SLITRK2: variants seen among roughly 807,000 people sequenced by gnomAD.
SLITRK2 encodes SLIT and NTRK-like protein 2.
In SLITRK2, 13 loss-of-function variants were observed where a neutral mutation model predicts 35.4. That is an observed-to-expected ratio of 0.37 (90% confidence interval 0.24 to 0.58). The LOEUF (loss-of-function observed/expected upper bound fraction) is 0.58, where lower values mean the gene tolerates loss of function less well. Ranked by LOEUF, SLITRK2 falls within the 20% of genes least tolerant of loss-of-function variation. The pLI is 0.75. For synonymous variants in SLITRK2, 294 were observed against 264.7 expected (o/e 1.11, Z -1.07); for missense variants, 471 against 634.3 (o/e 0.74, Z 2.76).
intron 1 of SLITRK2, chrX:145,818,314 C>G (rs1414545934): frequency 8.8e-6 from 1 of 113,027 alleles, no homozygotes; most frequent in Non-Finnish European, 1.9e-5. Context: ...AGCTAGAAGC[C>G]TCCGGTCGGC....
At position 145,824,197 on chromosome X, in the gene SLITRK2, C is replaced by T. The variant is rs2124195191; in HGVS notation, c.1772C>T (p.Ser591Leu). The change falls in exon 5 of 5, where the codon TCA (serine) becomes TTA (leucine). Residue 591 changes from serine to leucine, a missense_variant. Coordinates refer to ENST00000335565, the MANE Select transcript of SLITRK2 (RefSeq NM_032539.5). Reference protein sequence around the residue: ...SPNLSDGTVLSMNHNTDTPRS... With the variant: ...SPNLSDGTVLLMNHNTDTPRS... ...AACTTGTCAGATGGAACCGTCTTGT[C>T]AATGAATCACAATACAGACACACCT... is the stretch of plus-strand genomic sequence containing the variant. The T allele has an allele frequency of 8.3e-7, 1 of 1,210,042 alleles. No homozygotes were observed. The highest frequency in any genetic ancestry group is 1.1e-6 in the Non-Finnish European group (1 of 894,764).
At position 145,822,580 on chromosome X, in the gene SLITRK2, C is replaced by A. The variant is rs1377991044; in HGVS notation, c.155C>A (p.Thr52Lys). Residue 52 changes from threonine (T) to lysine (K), a missense_variant, in exon 5 of 5, where the codon ACA (threonine) becomes AAA (lysine). By Grantham distance (78) the Thr-to-Lys change is moderately conservative. Around this residue, in one of 7 missense-constraint regions of SLITRK2, gnomAD observed 98 missense variants for 120.6 expected, o/e 0.81. Coordinates refer to ENST00000335565, the MANE Select transcript of SLITRK2 (RefSeq NM_032539.5). ...ATCAACTGTGAGAACAAAGGATTTA[C>A]AACAGTTAGCCTGCTCCAGCCCCCC... ...LNINCENKGF[T>K]TVSLLQPPQY... is the part of the protein sequence containing the mutation. The A allele has an allele frequency of 8.3e-7, 1 of 1,209,768 alleles. No homozygotes were observed. Among genetic ancestry groups the A allele is most frequent in the Non-Finnish European group, 1.1e-6 (1 of 894,949 alleles).
rs1474612337 is a variant in SLITRK2 at position 145,826,588 on chromosome X, C to T, written c.*1625C>T. The stretch of plus-strand genomic sequence containing the variant: ...TGTGTGATTTAAACAAACAGCCCTT[C>T]TTTACAACAAAAAATAGTTTTGTTT... On this transcript the variant is annotated 3_prime_UTR_variant, in exon 5 of 5. Transcript: ENST00000335565. The T allele has an allele frequency of 6.2e-5, 7 of 112,237 alleles. No homozygotes were observed. The highest frequency in any genetic ancestry group is 5.7e-4 in the Admixed American group (6 of 10,563). 9.2% of individuals were successfully genotyped at this position (112,237 alleles called of 1,213,427 possible).
rs2073092339 is a variant in SLITRK2 at position 145,824,708 on chromosome X, G to A, written c.2283G>A (p.Glu761=). 1.7e-6 allele frequency: 2 copies of A among 1,209,590 alleles called. No individual in the cohort carries two copies. Among genetic ancestry groups the A allele is most frequent in the African/African-American group, 1.8e-5 (1 of 57,025 alleles). Residue 761 remains glutamate, a synonymous_variant, in exon 5 of 5, where the codon GAG becomes GAA. Transcript: ENST00000335565. ...AGCTGCTGTATCAAAATATTGCTGA[G>A]CGAGTCAAGGAACTTCCCAGCGCAG... is the stretch of plus-strand genomic sequence containing the variant. ...EPELLYQNIA[E]RVKELPSAGL...
Position 145,823,247 on chromosome X carries a change from G to A in SLITRK2, c.822G>A (p.Arg274=), listed in dbSNP as rs781845889. The A allele has an allele frequency of 3.3e-6, 4 of 1,211,633 alleles. No individual in the cohort carries two copies. Among genetic ancestry groups the A allele is most frequent in the Non-Finnish European group, 4.5e-6 (4 of 895,474 alleles). The stretch of plus-strand genomic sequence containing the variant: ...AAAGTGCCAGTGATTCCAGTCAGAG[G>A]GGCAGCCATGCTGACACCCACGTCC... The part of the protein sequence containing the change: ...PRKSASDSSQ[R]GSHADTHVQR... The change falls in exon 5 of 5, where the codon AGG becomes AGA. Residue 274 remains arginine, a synonymous_variant. Coordinates refer to ENST00000335565, the MANE Select transcript of SLITRK2 (RefSeq NM_032539.5).
chrX:145,823,268 C>A lies in SLITRK2; in HGVS notation c.843C>A (p.His281Gln), dbSNP rs781800333. The change falls in exon 5 of 5, where the codon CAC (histidine) becomes CAA (glutamine). Residue 281 changes from histidine to glutamine, a missense_variant. This residue lies in a region of SLITRK2 where 56 missense variants were observed against 48.7 expected (regional missense o/e 1.15). Coordinates refer to ENST00000335565, the MANE Select transcript of SLITRK2 (RefSeq NM_032539.5). ...SSQRGSHADT[H>Q]VQRLSPTMNP... The stretch of plus-strand genomic sequence containing the variant: ...AGAGGGGCAGCCATGCTGACACCCA[C>A]GTCCAAAGGCTGTCACCTACAATGA... 1 of 1,211,635 alleles carries A rather than the reference C, an allele frequency of 8.3e-7. No homozygotes were observed. The highest frequency in any genetic ancestry group is 1.7e-5 in the African/African-American group (1 of 57,768).
rs782445502 is a variant in SLITRK2 at position 145,825,008 on chromosome X, G to A, written c.*45G>A. On this transcript the variant is annotated 3_prime_UTR_variant, in exon 5 of 5. Transcript: ENST00000335565. The stretch of plus-strand genomic sequence containing the variant: ...CTAAGGCATCAGAGGATGCTGCTCC[G>A]AACTGTTGGAAACAAGGACATTAGC... 17 of 1,148,063 alleles carry A rather than the reference G, an allele frequency of 1.5e-5. No homozygotes were observed. The highest frequency in any genetic ancestry group is 9.0e-5 in the East Asian group (3 of 33,241). 94.6% of individuals were successfully genotyped at this position (1,148,063 alleles called of 1,213,427 possible). A position where few individuals can be genotyped will look rare whatever the true frequency, so the allele number is the denominator to read the frequency against.
In SLITRK2 at chrX:145,827,720, T is replaced by C. The variant is rs1308353927; in HGVS notation, c.*2757T>C. On this transcript the variant is annotated 3_prime_UTR_variant, in exon 5 of 5. Transcript: ENST00000335565. Reference sequence around the variant, plus strand: ...TTATTTAAAATCATCATACATCATATACTTTGAACCTTTATTTTCTAATGC... The same window carrying C: ...TTATTTAAAATCATCATACATCATACACTTTGAACCTTTATTTTCTAATGC... 1 of 1,176,744 alleles carries C rather than the reference T, an allele frequency of 8.5e-7. No individual in the cohort carries two copies. The highest frequency in any genetic ancestry group is 1.1e-6 in the Non-Finnish European group (1 of 871,360).
chrX:145,827,565 G>A lies in SLITRK2; in HGVS notation c.*2602G>A. The stretch of plus-strand genomic sequence containing the variant: ...ACACGATTTTAAAGACGCCTACTGA[G>A]AGAACTCAAATTTATAAACTCTGTT... On this transcript the variant is annotated 3_prime_UTR_variant, in exon 5 of 5. Transcript: ENST00000335565. 1 of 714,307 alleles carries A rather than the reference G, an allele frequency of 1.4e-6. No homozygotes were observed. 58.9% of individuals were successfully genotyped at this position (714,307 alleles called of 1,213,427 possible). A position where few individuals can be genotyped will look rare whatever the true frequency, so the allele number is the denominator to read the frequency against.
In SLITRK2 at chrX:145,823,337, G is replaced by A. The variant is rs377471915; in HGVS notation, c.912G>A (p.Pro304=). The change falls in exon 5 of 5, where the codon CCG becomes CCA. Residue 304 remains proline, a synonymous_variant. Transcript: ENST00000335565. ...NPTRAPKASR[P]PKMRNRPTPR... is the part of the protein sequence containing the mutation. ...CCAGGGCTCCGAAAGCCAGCCGGCCGCCCAAAATGAGAAATCGTCCAACTC... is the reference window on the plus strand; with the variant it reads ...CCAGGGCTCCGAAAGCCAGCCGGCCACCCAAAATGAGAAATCGTCCAACTC... The A allele has an allele frequency of 1.2e-5, 14 of 1,208,820 alleles. No individual in the cohort carries two copies. The highest frequency in any genetic ancestry group is 5.3e-5 in the African/African-American group (3 of 56,905).
chrX:145,828,529 C>T lies in SLITRK2; in HGVS notation c.*3566C>T, dbSNP rs782284707. On this transcript the variant is annotated 3_prime_UTR_variant, in exon 5 of 5. Transcript: ENST00000335565. ...TGGGTGCCTGGCTCTAGGCTATGTC[C>T]TGAGACATACAGTGGACAGGGTCTC... is the stretch of plus-strand genomic sequence containing the variant. The T allele has an allele frequency of 8.1e-6, 1 of 123,329 alleles. No individual in the cohort carries two copies. The highest frequency in any genetic ancestry group is 3.8e-4 in the South Asian group (1 of 2,623). 10.2% of individuals were successfully genotyped at this position (123,329 alleles called of 1,213,427 possible). A position where few individuals can be genotyped will look rare whatever the true frequency, so the allele number is the denominator to read the frequency against.
At chrX:145,822,347 C>T (rs2124144099) in intron 4 of SLITRK2, 36 bp from the exon 5 acceptor site, 1 of 899,399 alleles carries the variant, frequency 1.1e-6, no homozygotes, top group Non-Finnish European at 1.6e-6. Flanking sequence ...TTTCTTTCTT[C>T]CCTGCACCCG....
chrX:145,826,763 A>G lies in SLITRK2; in HGVS notation c.*1800A>G, dbSNP rs1237514876. 1.8e-5 allele frequency: 2 copies of G among 112,011 alleles called. No homozygotes were observed. The highest frequency in any genetic ancestry group is 3.2e-5 in the African/African-American group (1 of 30,827). 9.2% of individuals were successfully genotyped at this position (112,011 alleles called of 1,213,427 possible). ...AGGTTACTGCACATAATAATCCTTTATCGTCATGTGGAGATTGAAGTGGAT... is the reference window on the plus strand; with the variant it reads ...AGGTTACTGCACATAATAATCCTTTGTCGTCATGTGGAGATTGAAGTGGAT... On this transcript the variant is annotated 3_prime_UTR_variant, in exon 5 of 5. Coordinates refer to ENST00000335565, the MANE Select transcript of SLITRK2 (RefSeq NM_032539.5).
rs2073056039 is a variant in SLITRK2 at position 145,823,208 on chromosome X, C to T, written c.783C>T (p.Asp261=). 8.3e-7 allele frequency: 1 copy of T among 1,211,594 alleles called. No individual in the cohort carries two copies. Among genetic ancestry groups the T allele is most frequent in the Non-Finnish European group, 1.1e-6 (1 of 895,406 alleles). The change falls in exon 5 of 5, where the codon GAC becomes GAT. Residue 261 remains aspartate, a synonymous_variant. Coordinates refer to ENST00000335565, the MANE Select transcript of SLITRK2 (RefSeq NM_032539.5). Reference sequence around the variant, plus strand: ...ACGTGACCCAGCTGACCAGGCAAGACCTCTGTCCCAGAAAAAGTGCCAGTG... The same window carrying T: ...ACGTGACCCAGCTGACCAGGCAAGATCTCTGTCCCAGAAAAAGTGCCAGTG... ...GKDVTQLTRQ[D]LCPRKSASDS...
rs782530079 is a variant in SLITRK2, at chrX:145,824,375, G to A, written c.1950G>A (p.Val650=). Residue 650 remains valine, a synonymous_variant, in exon 5 of 5, where the codon GTG becomes GTA. Transcript: ENST00000335565. ...TTGTCTTGAAACGCCGAAAGGGAGT[G>A]CCGAGCGTTCCCAGGAATACCAACA... ...FVFVLKRRKG[V]PSVPRNTNNL... 5.8e-6 allele frequency: 7 copies of A among 1,209,026 alleles called. No homozygotes were observed. The highest frequency in any genetic ancestry group is 7.8e-6 in the Non-Finnish European group (7 of 895,060).
Position 145,822,852 on chromosome X carries a change from T to C in SLITRK2, c.427T>C (p.Tyr143His), listed in dbSNP as rs1485112365. 8.3e-7 allele frequency: 1 copy of C among 1,208,453 alleles called. No homozygotes were observed. Among genetic ancestry groups the C allele is most frequent in the Non-Finnish European group, 1.1e-6 (1 of 894,669 alleles). The change falls in exon 5 of 5, where the codon TAC becomes CAC. Residue 143 changes from tyrosine (Y) to histidine (H), a missense_variant. Physicochemically the swap from Tyr to His is moderately conservative, Grantham distance 83. Transcript: ENST00000335565. ...LESLEYLQAD[Y>H]NYISAIEAGA... The stretch of plus-strand genomic sequence containing the variant: ...GAGCCTGGAGTATCTCCAGGCCGAC[T>C]ACAATTACATCAGTGCCATCGAGGC...
At position 145,824,188 on chromosome X, in the gene SLITRK2, C is replaced by A. The variant is rs1556944712; in HGVS notation, c.1763C>A (p.Thr588Asn). The A allele has an allele frequency of 8.3e-7, 1 of 1,209,684 alleles. No homozygotes were observed. ...CPDSPNLSDG[T>N]VLSMNHNTDT... ...GACAGCCCAAACTTGTCAGATGGAA[C>A]CGTCTTGTCAATGAATCACAATACA... Residue 588 changes from threonine to asparagine, a missense_variant, in exon 5 of 5, where the codon ACC becomes AAC. Coordinates refer to ENST00000335565, the MANE Select transcript of SLITRK2 (RefSeq NM_032539.5).
At chrX:145,820,354 G>C (rs1012809229) in intron 1 of SLITRK2, 120 bp from the exon 2 acceptor site, 16 of 112,446 alleles carry the variant, frequency 1.4e-4, no homozygotes, top group African/African-American at 4.9e-4. Context: ...GGAGAAAACA[G>C]ATAATGAAGG....
chrX:145,827,527 T>C lies in SLITRK2; in HGVS notation c.*2564T>C, dbSNP rs1649296242. On this transcript the variant is annotated 3_prime_UTR_variant, in exon 5 of 5. Coordinates refer to ENST00000335565, the MANE Select transcript of SLITRK2 (RefSeq NM_032539.5). ...AGTTTAAAGACAGATGATACCTTAA[T>C]ATTAACTTACTTACACGATTTTAAA... 1 of 474,955 alleles carries C rather than the reference T, an allele frequency of 2.1e-6. No homozygotes were observed. Among genetic ancestry groups the C allele is most frequent in the African/African-American group, 2.5e-5 (1 of 40,597 alleles). 39.1% of individuals were successfully genotyped at this position (474,955 alleles called of 1,213,427 possible). A position where few individuals can be genotyped will look rare whatever the true frequency, so the allele number is the denominator to read the frequency against.
Sources: gnomAD v4.1 joint callset for allele counts on GRCh38, gnomAD v4.1.1 for gene constraint, gnomAD v4.1.1 regional missense constraint, MANE v1.5 for transcripts, NCBI Gene and HGNC (gene_info 2026-07-23, HGNC 2026-07-21) for gene names.